The following PAK1 variants were observed in gnomAD, a reference collection of about 807,000 sequenced individuals.
PAK1 encodes the protein serine/threonine-protein kinase PAK 1.
A neutral mutation model predicts 67.4 loss-of-function variants in PAK1; 29 were observed. The ratio of observed to expected loss-of-function variants is 0.43; its 90% CI spans 0.32 to 0.59. The LOEUF is 0.59. Among genes scored for constraint, PAK1 ranks in the 20% least tolerant of loss-of-function variants. The pLI is 0.07. For missense variants in PAK1, 337 were observed against 670.7 expected (o/e 0.50, Z 5.50); for synonymous variants, 223 against 237.4 (o/e 0.94, Z 0.56).
chr11:77,481,355 G>A, the PAK1 span, among the ~76,000 whole-genome samples: 96 of 152,206 alleles, frequency 6.3e-4, no homozygotes, highest in Middle Eastern at 3.4e-3. Context: ...TGTTAGGCCT[G>A]TGATTTGGGT....
chr11:77,431,426 G>A (rs1320377881), intron 1 of PAK1, among the ~76,000 whole-genome samples: 1 of 152,112 alleles, frequency 6.6e-6, no homozygotes, highest in East Asian at 1.9e-4. Flanking sequence ...TTAACAATGA[G>A]TTAAACATAT....
the PAK1 span, among the ~76,000 whole-genome samples, chr11:77,486,337 CA>C: frequency 1.5e-4 from 22 of 146,862 alleles, no homozygotes; most frequent in African/African-American, 3.5e-4. Flanking sequence ...GATCCCATCT[CA>C]AAAAAAAAAG....
chr11:77,323,463 T>C, intron 14 of PAK1, 103 bp from the exon 15 acceptor site: 1 of 807,540 alleles, frequency 1.2e-6, no homozygotes, highest in Non-Finnish European at 2.1e-6. Context: ...GGGTGCTGTG[T>C]GGAAAGCTTC....
the PAK1 span, among the ~76,000 whole-genome samples, chr11:77,512,915 G>A: frequency 1.4e-4 from 21 of 152,018 alleles, no homozygotes; most frequent in Middle Eastern, 0.01. Context: ...GCAACATGGC[G>A]AAACCCTGTC....
chr11:77,364,976 C>T (rs778568150), intron 5 of PAK1, among the ~76,000 whole-genome samples: 16 of 152,016 alleles, frequency 1.1e-4, no homozygotes, highest in Admixed American at 2.0e-4. Context: ...AGGTGGGGAG[C>T]GGTGGCTCAC....
chr11:77,413,165 A>G (rs1954737572), intron 1 of PAK1, among the ~76,000 whole-genome samples: 1 of 152,170 alleles, frequency 6.6e-6, no homozygotes, highest in African/African-American at 2.4e-5. Context: ...AAGTTTTAGC[A>G]GTGGGAAGGC....
At chr11:77,493,770 CAAGT>C in the PAK1 span, among the ~76,000 whole-genome samples, 3 of 152,078 alleles carry the variant, frequency 2.0e-5, no homozygotes, top group East Asian at 5.8e-4. Flanking sequence ...CTCCTTTTCA[CAAGT>C]AAGGAAGCTG....
the PAK1 span, among the ~76,000 whole-genome samples, chr11:77,495,614 A>T: frequency 6.6e-6 from 1 of 152,232 alleles, no homozygotes; most frequent in African/African-American, 2.4e-5. Context: ...CATTATTCAC[A>T]ATTGCCAAAA....
upstream of PAK1, among the ~76,000 whole-genome samples, chr11:77,477,326 G>A (rs1958070092): frequency 6.6e-6 from 1 of 152,098 alleles, no homozygotes; most frequent in African/African-American, 2.4e-5. Flanking sequence ...AGTTCCTGTG[G>A]CATATTTCTG....
chr11:77,429,675 G>C (rs1427125327), intron 1 of PAK1, among the ~76,000 whole-genome samples: 2 of 152,184 alleles, frequency 1.3e-5, no homozygotes, highest in Admixed American at 1.3e-4. Context: ...GAAGTGTCAA[G>C]GTTATCAAAG....
the PAK1 span, among the ~76,000 whole-genome samples, chr11:77,526,656 G>A: frequency 9.9e-5 from 15 of 152,194 alleles, no homozygotes; most frequent in Admixed American, 7.2e-4. Flanking sequence ...GGTGGCTCAC[G>A]CCTGTAATCC....
chr11:77,343,995 G>T, intron 9 of PAK1, 64 bp from the exon 10 acceptor site: 1 of 1,016,482 alleles, frequency 9.8e-7, no homozygotes, highest in Non-Finnish European at 1.6e-6. Flanking sequence ...CACCTGCTAA[G>T]TACCAGACCT....
At chr11:77,352,958 G>T (rs1029472473) in intron 8 of PAK1, among the ~76,000 whole-genome samples, 1 of 152,170 alleles carries the variant, frequency 6.6e-6, no homozygotes, top group African/African-American at 2.4e-5. Flanking sequence ...CTATACAATT[G>T]TTTGCCTATC....
intron 1 of PAK1, among the ~76,000 whole-genome samples, chr11:77,395,884 G>C (rs1951765361): frequency 6.6e-6 from 1 of 152,098 alleles, no homozygotes; most frequent in Non-Finnish European, 1.5e-5. Flanking sequence ...CCTCCCAACT[G>C]TAACTCAAGT....
chr11:77,494,928 C>A, the PAK1 span, among the ~76,000 whole-genome samples: 2 of 152,066 alleles, frequency 1.3e-5, no homozygotes, highest in Non-Finnish European at 2.9e-5. Flanking sequence ...TTTTGGGAGG[C>A]CAATATGGGA....
At chr11:77,412,791 A>C (rs1565684816) in intron 1 of PAK1, among the ~76,000 whole-genome samples, 1 of 152,236 alleles carries the variant, frequency 6.6e-6, no homozygotes, top group Non-Finnish European at 1.5e-5. Context: ...CTCTCAAAAC[A>C]ACCTTATGAA....
chr11:77,435,206 G>A (rs1048272269), intron 1 of PAK1, among the ~76,000 whole-genome samples: 7 of 151,354 alleles, frequency 4.6e-5, no homozygotes, highest in Non-Finnish European at 1.5e-5. Context: ...TGAATTTCAT[G>A]GTATGTGAAT....
rs1951263218 is a variant in PAK1 at position 77,392,499 on chromosome 11, T to C, written c.22A>G (p.Ile8Val). 3.1e-6 allele frequency: 5 copies of C among 1,606,132 alleles called. No individual in the cohort carries two copies. Among genetic ancestry groups the C allele is most frequent in the Middle Eastern group, 1.7e-4 (1 of 6,044 alleles). MSNNGLDIQDKPPAPPMR... is the reference protein window; with the variant it reads MSNNGLDVQDKPPAPPMR... ...GGAGGGGCTGGGGGTTTGTCTTGAA[T>C]GTCTAGGCCGTTATTTGACATTGTC... The change falls in exon 2 of 15, where the codon ATT becomes GTT. Residue 8 changes from isoleucine to valine, a missense_variant. Around this residue, in one of 8 missense-constraint regions of PAK1, gnomAD observed 27 missense variants for 37.0 expected, o/e 0.73. Transcript: ENST00000356341.
At chr11:77,331,403 A>C (rs898604257) in intron 14 of PAK1, among the ~76,000 whole-genome samples, 15 of 152,260 alleles carry the variant, frequency 9.9e-5, no homozygotes, top group African/African-American at 3.6e-4. Context: ...CAACAACGAT[A>C]GACTGGATTA....
Sources: gnomAD v4.1 joint callset for allele counts (sites outside exome capture counted in the v4.1 genomes callset) on GRCh38, gnomAD v4.1.1 for gene constraint, gnomAD v4.1.1 regional missense constraint, MANE v1.5 for transcripts, NCBI Gene and HGNC (gene_info 2026-07-23, HGNC 2026-07-21) for gene names.